STRA6: variants seen among roughly 807,000 people sequenced by gnomAD.
The protein encoded by STRA6 is receptor for retinol uptake STRA6.
Under a neutral mutation model 83.6 loss-of-function variants are expected in STRA6, and 48 were observed. That is an observed-to-expected ratio of 0.57 (90% CI 0.46 to 0.73). The LOEUF (loss-of-function observed/expected upper bound fraction) is 0.73, where lower values mean the gene tolerates loss of function less well. Among genes scored for constraint, STRA6 ranks in the 30% least tolerant of loss-of-function variants. The pLI is 0.00. For synonymous variants in STRA6, 353 were observed against 362.3 expected (o/e 0.97, Z 0.29); for missense variants, 760 against 838.8 (o/e 0.91, Z 1.16).
intron 8 of STRA6, chr15:74,191,768 G>A (rs2142035237): frequency 1.8e-6 from 1 of 540,940 alleles, no homozygotes; most frequent in East Asian, 3.3e-5. Context: ...ACTCTCGCCT[G>A]CTTTACTCAG....
intron 2 of STRA6, among the ~76,000 whole-genome samples, chr15:74,201,567 C>T (rs952424376): frequency 1.3e-5 from 2 of 152,136 alleles, no homozygotes; most frequent in African/African-American, 2.4e-5. Context: ...CTGCTCCCAC[C>T]CTCACCTGGG....
At chr15:74,186,535 G>A (rs1354823508) in intron 12 of STRA6, among the ~76,000 whole-genome samples, 1 of 152,230 alleles carries the variant, frequency 6.6e-6, no homozygotes, top group Non-Finnish European at 1.5e-5. Context: ...TTGAACCTGA[G>A]AGACGGAGGT....
upstream of STRA6, chr15:74,209,460 T>TGA: frequency 6.5e-7 from 1 of 1,535,212 alleles, no homozygotes; most frequent in Non-Finnish European, 8.7e-7. Flanking sequence ...TGCATCCTGC[T>TGA]GCTGCCCAGC....
At chr15:74,189,337 G>A in intron 11 of STRA6, 60 bp from the exon 12 acceptor site, 1 of 1,548,040 alleles carries the variant, frequency 6.5e-7, no homozygotes, top group Admixed American at 2.0e-5. Flanking sequence ...GCTAACAGGG[G>A]AGACGCTGGG....
chr15:74,208,111 GGGTAGCC>G, intron 1 of STRA6: 1 of 1,124,820 alleles, frequency 8.9e-7, no homozygotes, highest in Admixed American at 4.0e-5. Context: ...AGGAGGAGGA[GGGTAGCC>G]GGCTGTGCCA....
At position 74,180,041 on chromosome 15, in the gene STRA6, C is replaced by A. The variant is rs374693231; in HGVS notation, c.*39G>T. The A allele has an allele frequency of 6.2e-7, 1 of 1,605,172 alleles. No homozygotes were observed. The highest frequency in any genetic ancestry group is 8.5e-7 in the Non-Finnish European group (1 of 1,173,362). On this transcript the variant is annotated 3_prime_UTR_variant, in exon 19 of 19. Coordinates refer to ENST00000395105, the MANE Select transcript of STRA6 (RefSeq NM_022369.4). ...AGGAGGATGGTAGGCAGGAACATGC[C>A]TCAGCACAGATGGGCAGGTGGGTTG...
chr15:74,183,413 T>G, intron 14 of STRA6: 4 of 691,550 alleles, frequency 5.8e-6, no homozygotes, highest in Middle Eastern at 6.3e-4. Flanking sequence ...ACCCGGCTAA[T>G]TTTTGTATTT....
intron 11 of STRA6, 93 bp downstream of exon 11, chr15:74,190,747 C>T (rs2073488620): frequency 1.3e-6 from 2 of 1,590,480 alleles, no homozygotes; most frequent in Admixed American, 1.7e-5. Context: ...GGATGGAGCA[C>T]CTGGAGAGCT....
At chr15:74,180,369 C>G in intron 18 of STRA6, 126 bp from the exon 19 acceptor site, 10 of 1,207,746 alleles carry the variant, frequency 8.3e-6, no homozygotes, top group Non-Finnish European at 1.2e-5. Flanking sequence ...AGGATGTCCC[C>G]TGCAGGCAGC....
upstream of STRA6, among the ~76,000 whole-genome samples, chr15:74,211,409 T>C (rs2142125120): frequency 6.8e-6 from 1 of 147,584 alleles, no homozygotes; most frequent in East Asian, 2.0e-4. Context: ...TTTTTTTTTT[T>C]TTTTTTTTGA....
upstream of STRA6, among the ~76,000 whole-genome samples, chr15:74,210,638 G>A (rs939253969): frequency 5.9e-5 from 9 of 152,236 alleles, no homozygotes; most frequent in African/African-American, 2.2e-4. Flanking sequence ...CATACTGCAT[G>A]TGTAATTCTT....
rs529286369 is a variant in STRA6, at chr15:74,183,707, G to A, written c.1300+149C>T. ...AAGCTTCTTAAGGGCAGGGAAGGCAGGGGGGTCCCTCCTTCTTGCTGCTGC... is the reference window on the plus strand; with the variant it reads ...AAGCTTCTTAAGGGCAGGGAAGGCAAGGGGGTCCCTCCTTCTTGCTGCTGC... On this transcript the variant is annotated intron_variant, in intron 14 of 18. Transcript: ENST00000395105. 13 of 1,578,580 alleles carry A rather than the reference G, an allele frequency of 8.2e-6. No individual in the cohort carries two copies. In the African/African-American group the frequency reaches 1.2e-4, roughly 15 times the overall value.
chr15:74,201,692 G>A (rs2074073245), intron 2 of STRA6, among the ~76,000 whole-genome samples: 1 of 152,118 alleles, frequency 6.6e-6, no homozygotes, highest in Non-Finnish European at 1.5e-5. Context: ...TCTCCCTTTG[G>A]TTCTCTGCCT....
chr15:74,193,890 C>T lies in STRA6; in HGVS notation c.630G>A (p.Leu210=), dbSNP rs756695040. The T allele has an allele frequency of 9.9e-6, 16 of 1,613,828 alleles. No individual in the cohort carries two copies. The highest frequency in any genetic ancestry group is 1.4e-5 in the Non-Finnish European group (16 of 1,179,766). ...IYKYYSLLAS[L]PLLLGLGFLS... ...GGAATCCGAGGCCCAGCAGGAGAGG[C>T]AGGGAGGCCAGCAGGGAGTAGTACT... The change falls in exon 8 of 19, where the codon CTG becomes CTA. Residue 210 remains leucine, a synonymous_variant. Coordinates refer to ENST00000395105, the MANE Select transcript of STRA6 (RefSeq NM_022369.4).
In STRA6 at chr15:74,182,388, A is replaced by G. The variant is rs778445510; in HGVS notation, c.1373T>C (p.Leu458Pro). ...ALAFLVLMPVLHGRNLLLFRS... is the reference protein window; with the variant it reads ...ALAFLVLMPVPHGRNLLLFRS... ...GAAGAGCAGGAGGTTCCTGCCATGGAGCACAGGCATGAGCACCAGGAAGGC... is the reference window on the plus strand; with the variant it reads ...GAAGAGCAGGAGGTTCCTGCCATGGGGCACAGGCATGAGCACCAGGAAGGC... The change falls in exon 15 of 19, where the codon CTC (leucine) becomes CCC (proline). Residue 458 changes from leucine (L) to proline (P), a missense_variant. Physicochemically the swap from Leu to Pro is moderately conservative, Grantham distance 98. Coordinates refer to ENST00000395105, the MANE Select transcript of STRA6 (RefSeq NM_022369.4). 39 of 1,613,748 alleles carry G rather than the reference A, an allele frequency of 2.4e-5. No homozygotes were observed. The highest frequency in any genetic ancestry group is 3.1e-5 in the Non-Finnish European group (37 of 1,179,878).
rs758109512 is a variant in STRA6, at chr15:74,183,915, C to T, written c.1241G>A (p.Arg414His). ...SPLHRSPHPS[R>H]QAIFCWMSFS... is the part of the protein sequence containing the mutation. ...GCTCATCCAACAGAATATGGCTTGG[C>T]GGGAGGGATGGGGACTCCGATGCAA... is the stretch of plus-strand genomic sequence containing the variant. The change falls in exon 14 of 19, where the codon CGC (arginine) becomes CAC (histidine). Residue 414 changes from arginine (R) to histidine (H), a missense_variant. Physicochemically the swap from Arg to His is conservative, Grantham distance 29. Transcript: ENST00000395105. The T allele has an allele frequency of 5.6e-6, 9 of 1,613,766 alleles. No homozygotes were observed. The highest frequency in any genetic ancestry group is 3.3e-5 in the South Asian group (3 of 91,094).
At chr15:74,191,613 G>A (rs775162525) in intron 8 of STRA6, 122 bp from the exon 9 acceptor site, 36 of 851,536 alleles carry the variant, frequency 4.2e-5, no homozygotes, top group South Asian at 3.2e-4. Context: ...TGGCCATGGC[G>A]GTGGTGGTGA....
chr15:74,193,788 C>A lies in STRA6; in HGVS notation c.720+12G>T. 1 of 1,613,356 alleles carries A rather than the reference C, an allele frequency of 6.2e-7. No individual in the cohort carries two copies. ...TGCTGAGGAAGAGCTCATCCCAGGC[C>A]TGCCCCTTTACCTTGGAGCCTGCTC... On this transcript the variant is annotated intron_variant, in intron 8 of 18. Coordinates refer to ENST00000395105, the MANE Select transcript of STRA6 (RefSeq NM_022369.4).
chr15:74,184,403 G>A (rs2073142101), intron 13 of STRA6, among the ~76,000 whole-genome samples: 1 of 152,224 alleles, frequency 6.6e-6, no homozygotes, highest in Non-Finnish European at 1.5e-5. Context: ...CAAGTGCGCA[G>A]GAGACATGGG....
Sources: allele counts gnomAD v4.1 joint callset (sites outside exome capture counted in the v4.1 genomes callset), GRCh38; gene constraint gnomAD v4.1.1; transcripts MANE v1.5; gene names NCBI Gene and HGNC (gene_info 2026-07-23, HGNC 2026-07-21).